Variants in NDUFA10 observed in about 807,000 individuals in gnomAD.
NDUFA10 encodes NADH:ubiquinone oxidoreductase subunit A10.
NDUFA10 carries 40 observed loss-of-function variants against 47.8 expected under a neutral mutation model. The ratio of observed to expected loss-of-function variants is 0.84; its 90% CI spans 0.65 to 1.09. NDUFA10 has a LOEUF of 1.09. Among genes scored for constraint, NDUFA10 ranks in the 50% least tolerant of loss-of-function variants. The pLI, the probability that NDUFA10 is intolerant of heterozygous loss-of-function variation, is 0.00. For synonymous variants in NDUFA10, 183 were observed against 172.2 expected (o/e 1.06, Z -0.49); for missense variants, 413 against 451.1 (o/e 0.92, Z 0.76).
At chr2:239,963,366 C>A (rs917561365) in intron 9 of NDUFA10, among the ~76,000 whole-genome samples, 2 of 152,210 alleles carry the variant, frequency 1.3e-5, no homozygotes, top group Non-Finnish European at 2.9e-5. Flanking sequence ...CCCAACACTG[C>A]TGCTCGAACT....
intron 4 of NDUFA10, among the ~76,000 whole-genome samples, chr2:239,935,414 C>T (rs775439565): frequency 8.5e-5 from 13 of 152,208 alleles, no homozygotes; most frequent in Admixed American, 6.5e-5. Flanking sequence ...CCCTGCAGGC[C>T]GACAGGGCCG....
rs149943191 is a variant in NDUFA10, at chr2:240,020,288, C to T, written c.460+909G>A. Among the ~76,000 whole-genome samples the T allele has an allele frequency of 2.4e-3, 368 of 152,262 alleles. 2 individuals carry two copies. The highest frequency in any genetic ancestry group is 8.5e-3 in the African/African-American group (355 of 41,530). On this transcript the variant is annotated intron_variant, in intron 3 of 9. Transcript: ENST00000252711. ...GCTCATCAGGGGCACTGCCAATCAA[C>T]GAAAGCAGCAAGCACTGCAATATAA...
At chr2:239,934,188 TAA>T (rs1694223872) in intron 4 of NDUFA10, among the ~76,000 whole-genome samples, 1 of 152,182 alleles carries the variant, frequency 6.6e-6, no homozygotes, top group Non-Finnish European at 1.5e-5. Flanking sequence ...CAGATTTAAG[TAA>T]ACTAATAGGC....
chr2:239,918,271 A>G (rs1423407137), intron 4 of NDUFA10, among the ~76,000 whole-genome samples: 1 of 152,210 alleles, frequency 6.6e-6, no homozygotes, highest in Non-Finnish European at 1.5e-5. Flanking sequence ...GAGGTCCCAC[A>G]GCCCTGGGCA....
chr2:239,893,062 G>A (rs1406956213), intron 5 of NDUFA10, among the ~76,000 whole-genome samples: 1 of 152,160 alleles, frequency 6.6e-6, no homozygotes, highest in Non-Finnish European at 1.5e-5. Context: ...CCAGCAACAG[G>A]AAACTAGTTG....
At chr2:239,924,675 C>G (rs1317741275) in intron 4 of NDUFA10, among the ~76,000 whole-genome samples, 1 of 152,070 alleles carries the variant, frequency 6.6e-6, no homozygotes, top group East Asian at 1.9e-4. Flanking sequence ...ATTACCACTC[C>G]TATTCAATGT....
At chr2:239,912,565 C>G (rs1302304246) in intron 4 of NDUFA10, among the ~76,000 whole-genome samples, 1 of 136,300 alleles carries the variant, frequency 7.3e-6, no homozygotes. Context: ...GAGTGGCTGG[C>G]TAGCCTTTCC....
intron 4 of NDUFA10, among the ~76,000 whole-genome samples, chr2:239,907,458 G>A (rs572195999): frequency 2.3e-4 from 35 of 152,254 alleles, no homozygotes; most frequent in African/African-American, 8.4e-4. Context: ...GAGTGAACAG[G>A]CAACCTACAA....
intron 4 of NDUFA10, among the ~76,000 whole-genome samples, chr2:239,916,375 T>C (rs1559278998): frequency 1.3e-5 from 2 of 149,320 alleles, no homozygotes; most frequent in Non-Finnish European, 3.0e-5. Flanking sequence ...GACATGCAGA[T>C]ACACACACAC....
At chr2:239,910,955 G>A (rs1300354468) in intron 4 of NDUFA10, among the ~76,000 whole-genome samples, 1 of 152,168 alleles carries the variant, frequency 6.6e-6, no homozygotes, top group African/African-American at 2.4e-5. Context: ...ATTTCCAAGT[G>A]CCCGGCAGAG....
chr2:239,916,505 T>C (rs528889584), intron 4 of NDUFA10, among the ~76,000 whole-genome samples: 1 of 152,178 alleles, frequency 6.6e-6, no homozygotes, highest in Non-Finnish European at 1.5e-5. Flanking sequence ...CAAATGCCCG[T>C]CACAGGCCAA....
At chr2:239,997,600 C>G (rs955818892) in intron 8 of NDUFA10, among the ~76,000 whole-genome samples, 2 of 152,102 alleles carry the variant, frequency 1.3e-5, no homozygotes, top group Non-Finnish European at 2.9e-5. Context: ...ACTTTTATAC[C>G]TTAAGTAACC....
intron 9 of NDUFA10, among the ~76,000 whole-genome samples, chr2:239,962,896 T>TA (rs1349002545): frequency 6.6e-6 from 1 of 152,076 alleles, no homozygotes; most frequent in African/African-American, 2.4e-5. Flanking sequence ...GAGAACATAC[T>TA]AATTACCTCC....
rs1186597921 is a variant in NDUFA10 at position 239,960,998 on chromosome 2, A to G, written c.*120T>C. 1 of 1,553,804 alleles carries G rather than the reference A, an allele frequency of 6.4e-7. No individual in the cohort carries two copies. Among genetic ancestry groups the G allele is most frequent in the Non-Finnish European group, 8.7e-7 (1 of 1,150,006 alleles). ...TGCTTTTTGTGAGACCCCTTCTTCC[A>G]CTGTGCAATTTTTGCATTATTTACC... is the stretch of plus-strand genomic sequence containing the variant. On this transcript the variant is annotated 3_prime_UTR_variant, in exon 10 of 10. Coordinates refer to ENST00000252711, the MANE Select transcript of NDUFA10 (RefSeq NM_004544.4).
At chr2:239,991,711 T>A (rs1696255413) in intron 8 of NDUFA10, among the ~76,000 whole-genome samples, 1 of 152,216 alleles carries the variant, frequency 6.6e-6, no homozygotes, top group African/African-American at 2.4e-5. Flanking sequence ...AATATAAGGA[T>A]AATTTTTGAA....
intron 9 of NDUFA10, among the ~76,000 whole-genome samples, chr2:239,972,805 A>C (rs1344150454): frequency 6.6e-6 from 1 of 152,240 alleles, no homozygotes; most frequent in Non-Finnish European, 1.5e-5. Flanking sequence ...AGCTGTGAAT[A>C]ATAGAAAAGC....
Position 239,990,185 on chromosome 2 carries a change from A to T in NDUFA10, c.891-3T>A, listed in dbSNP as rs1696185974. 2 of 1,600,362 alleles carry T rather than the reference A, an allele frequency of 1.2e-6. No homozygotes were observed. Among genetic ancestry groups the T allele is most frequent in the Admixed American group, 1.7e-5 (1 of 59,980 alleles). Reference sequence around the variant, plus strand: ...GCACCTCAAACTTATCCTGAACCCTAAAAAATAAGACACATGTGGATCACA... The same window carrying T: ...GCACCTCAAACTTATCCTGAACCCTTAAAAATAAGACACATGTGGATCACA... On this transcript the variant is annotated splice_region_variant and splice_polypyrimidine_tract_variant and intron_variant, in intron 8 of 9. Coordinates refer to ENST00000252711, the MANE Select transcript of NDUFA10 (RefSeq NM_004544.4).
At chr2:239,943,048 C>T (rs1694387087) in intron 4 of NDUFA10, 1 of 154,454 alleles carries the variant, frequency 6.5e-6, no homozygotes, top group Non-Finnish European at 1.5e-5. Flanking sequence ...GGCTTCACCT[C>T]ATCACAGGGA....
In NDUFA10 at chr2:239,928,746, A is replaced by G. The variant is rs373316039; in HGVS notation, c.295-33432T>C. Among the ~76,000 whole-genome samples, 19 of 152,048 alleles carry G rather than the reference A, an allele frequency of 1.2e-4. No individual in the cohort carries two copies. The East Asian group carries it at 3.5e-3, about 28-fold the overall frequency. The stretch of plus-strand genomic sequence containing the variant: ...AGGTCCCTCTGTGCAAGGATGTCAG[A>G]CCCTTCCGCGTTCCCTGCAGCGTCC... On this transcript the variant is annotated intron_variant, in intron 4 of 5. Coordinates refer to the NDUFA10 transcript ENST00000419408. This position sits in a 1 kb window ranked among gnomAD's most constrained non-coding sequence, Gnocchi z 4.3.
Sources: gnomAD v4.1 joint callset for allele counts (sites outside exome capture counted in the v4.1 genomes callset) on GRCh38, gnomAD v4.1.1 for gene constraint, Gnocchi (gnomAD v3.1) non-coding constraint, MANE v1.5 for transcripts, NCBI Gene and HGNC (gene_info 2026-07-23, HGNC 2026-07-21) for gene names.